Variants in DPYSL2 observed in about 807,000 individuals in gnomAD.
The protein encoded by DPYSL2 is dihydropyrimidinase like 2, also known as dihydropyrimidinase-related protein 2.
DPYSL2 carries 13 observed loss-of-function variants against 69.9 expected under a neutral mutation model. That is an observed-to-expected ratio of 0.19 (90% CI 0.12 to 0.30). The LOEUF (loss-of-function observed/expected upper bound fraction) is 0.30, where lower values mean the gene tolerates loss of function less well. DPYSL2 is among the 10% of genes least tolerant of loss of function. The pLI, the probability that DPYSL2 is intolerant of heterozygous loss-of-function variation, is 1.00. For missense variants in DPYSL2, 587 were observed against 918.9 expected (o/e 0.64, Z 4.67); for synonymous variants, 326 against 359.1 (o/e 0.91, Z 1.04).
chr8:26,611,373 G>A (rs1304463980), intron 3 of DPYSL2, among the ~76,000 whole-genome samples: 2 of 152,200 alleles, frequency 1.3e-5, no homozygotes, highest in African/African-American at 4.8e-5. Flanking sequence ...CCCCTTGTCT[G>A]AGCTGGGTAT....
At chr8:26,594,260 C>T (rs528641096) in intron 3 of DPYSL2, among the ~76,000 whole-genome samples, 5 of 152,264 alleles carry the variant, frequency 3.3e-5, no homozygotes, top group Admixed American at 2.0e-4. Context: ...ATCATTGTGA[C>T]ACCTTTGGAA....
At chr8:26,625,187 T>C (rs1419338765) in intron 4 of DPYSL2, among the ~76,000 whole-genome samples, 2 of 152,208 alleles carry the variant, frequency 1.3e-5, no homozygotes, top group Non-Finnish European at 2.9e-5. Flanking sequence ...TGTGTGACCC[T>C]GGGTAATTTG....
chr8:26,572,174 G>A (rs1440706761), intron 1 of DPYSL2, among the ~76,000 whole-genome samples: 1 of 152,178 alleles, frequency 6.6e-6, no homozygotes, highest in Non-Finnish European at 1.5e-5. Flanking sequence ...TCTGAACATT[G>A]CACTAACGCA....
chr8:26,530,262 G>A (rs1800484972), intron 1 of DPYSL2, among the ~76,000 whole-genome samples: 1 of 152,066 alleles, frequency 6.6e-6, no homozygotes, highest in Non-Finnish European at 1.5e-5. Context: ...TTCCAAGTAG[G>A]GTCAGTTTTA....
Position 26,517,159 on chromosome 8 carries a change from G to A in DPYSL2, c.354+2480G>A, listed in dbSNP as rs139347734. 1.3e-5 allele frequency among the ~76,000 whole-genome samples: 2 copies of A among 152,022 alleles called. No homozygotes were observed. The highest frequency in any genetic ancestry group is 4.8e-5 in the African/African-American group (2 of 41,480). The stretch of plus-strand genomic sequence containing the variant: ...TTTATTTATGTGTTACTAATGTATG[G>A]TCAGATGTGGCTTTGCTCATCTGTT... On this transcript the variant is annotated intron_variant, in intron 1 of 13. Transcript: ENST00000521913. This position sits in a 1 kb window ranked among gnomAD's most constrained non-coding sequence, Gnocchi z 4.2.
chr8:26,550,572 A>G (rs34117482), intron 1 of DPYSL2, among the ~76,000 whole-genome samples: 12,566 of 152,300 alleles, frequency 0.083, 721 homozygotes, highest in Non-Finnish European at 0.12. Context: ...AAAAATACAG[A>G]TAGATTAAAA....
Position 26,560,011 on chromosome 8 carries a change from A to G in DPYSL2, c.355-21958A>G, listed in dbSNP as rs1801047535. Among the ~76,000 whole-genome samples the G allele has an allele frequency of 6.6e-6, 1 of 152,190 alleles. No homozygotes were observed. Among genetic ancestry groups the G allele is most frequent in the Non-Finnish European group, 1.5e-5 (1 of 68,026 alleles). ...TTATGCTGAGCTGAAACATTGCACA[A>G]AAGTCCTTCCTCCACTTTCCTTTGC... On this transcript the variant is annotated intron_variant, in intron 1 of 13. Transcript: ENST00000521913. The surrounding 1 kb of genome is among the most constrained non-coding windows in gnomAD (Gnocchi z 4.4).
intron 1 of DPYSL2, among the ~76,000 whole-genome samples, chr8:26,561,644 T>G (rs1801072818): frequency 6.6e-6 from 1 of 152,156 alleles, no homozygotes; most frequent in Non-Finnish European, 1.5e-5. Flanking sequence ...TGGACCAGTT[T>G]CATAGAAGAC....
In DPYSL2 at chr8:26,517,734, T is replaced by C. The variant is rs891560234; in HGVS notation, c.354+3055T>C. 1.3e-5 allele frequency among the ~76,000 whole-genome samples: 2 copies of C among 152,218 alleles called. No individual in the cohort carries two copies. The highest frequency in any genetic ancestry group is 2.9e-5 in the Non-Finnish European group (2 of 68,040). On this transcript the variant is annotated intron_variant, in intron 1 of 13. Transcript: ENST00000521913. The surrounding 1 kb of genome is among the most constrained non-coding windows in gnomAD (Gnocchi z 4.2). ...CCTTTTCCCAGCAGCAAACAACCTA[T>C]GCAGGCTGGAGTGACAGGGAGTGAT...
At chr8:26,551,120 GC>G (rs1800867865) in intron 1 of DPYSL2, among the ~76,000 whole-genome samples, 1 of 152,104 alleles carries the variant, frequency 6.6e-6, no homozygotes, top group Non-Finnish European at 1.5e-5. Flanking sequence ...CTAATCAAAA[GC>G]CAAACCCTTT....
intron 4 of DPYSL2, among the ~76,000 whole-genome samples, chr8:26,625,567 A>T (rs1171476100): frequency 6.6e-6 from 1 of 152,160 alleles, no homozygotes; most frequent in African/African-American, 2.4e-5. Context: ...TTGGGCAGGG[A>T]TGTTTGGTCT....
chr8:26,583,648 T>C (rs1801535680), intron 2 of DPYSL2, 151 bp from the exon 3 acceptor site: 1 of 680,202 alleles, frequency 1.5e-6, no homozygotes, highest in African/African-American at 1.8e-5. Context: ...GGGGTAGGAG[T>C]ATATAGTGTT....
intron 1 of DPYSL2, among the ~76,000 whole-genome samples, chr8:26,546,883 T>C (rs1800778587): frequency 8.8e-6 from 1 of 113,778 alleles, no homozygotes. Context: ...ATCGCGCCAC[T>C]GCACTCCCAG....
Position 26,627,783 on chromosome 8 carries a change from G to C in DPYSL2, c.937-89G>C. 7.5e-7 allele frequency: 1 copy of C among 1,336,666 alleles called. No individual in the cohort carries two copies. 82.8% of individuals were successfully genotyped at this position (1,336,666 alleles called of 1,614,324 possible). A position where few individuals can be genotyped will look rare whatever the true frequency, so the allele number is the denominator to read the frequency against. The stretch of plus-strand genomic sequence containing the variant: ...ATCGGCAGTGGTAATTTTCCATCTT[G>C]CCCGGATAACTGCATGCCCGGGCCT... On this transcript the variant is annotated intron_variant, in intron 6 of 13. Transcript: ENST00000521913. This position sits in a 1 kb window ranked among gnomAD's most constrained non-coding sequence, Gnocchi z 6.9.
At chr8:26,637,335 TG>T (rs1414369876) in intron 8 of DPYSL2, among the ~76,000 whole-genome samples, 1 of 152,250 alleles carries the variant, frequency 6.6e-6, no homozygotes, top group Non-Finnish European at 1.5e-5. Context: ...CCCATCTTGC[TG>T]GAACTTCCTA....
At chr8:26,559,703 T>C (rs372290438) in intron 1 of DPYSL2, among the ~76,000 whole-genome samples, 2 of 152,250 alleles carry the variant, frequency 1.3e-5, no homozygotes. Flanking sequence ...TATTTGTTTC[T>C]TAATTTATCG....
Position 26,617,716 on chromosome 8 carries a change from T to C in DPYSL2, c.629-6427T>C, listed in dbSNP as rs1383791875. Reference sequence around the variant, plus strand: ...GCAGCATGGATGAACCTTGACGACATGATGCCAAGTGAAAGCAGACAGACG... The same window carrying C: ...GCAGCATGGATGAACCTTGACGACACGATGCCAAGTGAAAGCAGACAGACG... On this transcript the variant is annotated intron_variant, in intron 3 of 13. Coordinates refer to ENST00000521913, the MANE Select transcript of DPYSL2 (RefSeq NM_001197293.3). This position sits in a 1 kb window ranked among gnomAD's most constrained non-coding sequence, Gnocchi z 4.7. 6.6e-6 allele frequency among the ~76,000 whole-genome samples: 1 copy of C among 152,122 alleles called. No homozygotes were observed. The highest frequency in any genetic ancestry group is 1.9e-4 in the East Asian group (1 of 5,188).
chr8:26,574,541 T>A (rs1801295712), intron 1 of DPYSL2, among the ~76,000 whole-genome samples: 1 of 152,160 alleles, frequency 6.6e-6, no homozygotes, highest in South Asian at 2.1e-4. Context: ...GGGAGAAAAG[T>A]ATGGGAAAGT....
rs948717330 is a variant in DPYSL2 at position 26,614,497 on chromosome 8, G to A, written c.629-9646G>A. Among the ~76,000 whole-genome samples, 7 of 152,176 alleles carry A rather than the reference G, an allele frequency of 4.6e-5. No individual in the cohort carries two copies. The highest frequency in any genetic ancestry group is 1.7e-4 in the African/African-American group (7 of 41,432). ...AGTTTTTGTTTTCCCTAACTGGATT[G>A]TTGGCATTTTAAGGGCACAGTTTGT... On this transcript the variant is annotated intron_variant, in intron 3 of 13. Transcript: ENST00000521913. This position sits in a 1 kb window ranked among gnomAD's most constrained non-coding sequence, Gnocchi z 4.9.
Sources: gnomAD v4.1 joint callset for allele counts (sites outside exome capture counted in the v4.1 genomes callset) on GRCh38, gnomAD v4.1.1 for gene constraint, Gnocchi (gnomAD v3.1) non-coding constraint, MANE v1.5 for transcripts, NCBI Gene and HGNC (gene_info 2026-07-23, HGNC 2026-07-21) for gene names.